The following GSE1 variants were observed in gnomAD, a reference collection of about 807,000 sequenced individuals.
GSE1 encodes the protein Gse1 coiled-coil protein.
A neutral mutation model predicts 112.6 loss-of-function variants in GSE1; 32 were observed. The observed-to-expected ratio is 0.28, with a 90% confidence interval of 0.21 to 0.38. GSE1 has a LOEUF of 0.38. Among genes scored for constraint, GSE1 ranks in the 10% least tolerant of loss-of-function variants. GSE1 has a pLI of 1.00. For synonymous variants in GSE1, 1,115 were observed against 735.6 expected (o/e 1.52, Z -8.35); for missense variants, 2,348 against 1,699.2 (o/e 1.38, Z -6.71).
intron 1 of GSE1, among the ~76,000 whole-genome samples, chr16:85,329,333 A>G (rs575383782): frequency 6.6e-6 from 1 of 152,278 alleles, no homozygotes; most frequent in African/African-American, 2.4e-5. Context: ...TGCTGTGAAT[A>G]CAGGGCCTCA....
intron 1 of GSE1, among the ~76,000 whole-genome samples, chr16:85,221,371 T>C (rs114135900): frequency 6.6e-6 from 1 of 151,674 alleles, no homozygotes; most frequent in African/African-American, 2.4e-5. Context: ...CATGTACATA[T>C]ACTACACACA....
At chr16:85,638,813 G>T (rs1266164436) in intron 2 of GSE1, among the ~76,000 whole-genome samples, 1 of 151,888 alleles carries the variant, frequency 6.6e-6, no homozygotes, top group South Asian at 2.1e-4. Context: ...TCTGCCCTGG[G>T]AGGGCGTGTG....
intron 1 of GSE1, among the ~76,000 whole-genome samples, chr16:85,227,876 G>A (rs2075515979): frequency 6.6e-6 from 1 of 152,244 alleles, no homozygotes; most frequent in Non-Finnish European, 1.5e-5. Context: ...AAGAGAGGGA[G>A]GGCCCTACCT....
chr16:85,555,836 C>T (rs1395137947), upstream of GSE1: 4 of 923,394 alleles, frequency 4.3e-6, no homozygotes, highest in Non-Finnish European at 2.6e-6. Context: ...CTCTCTTTTC[C>T]TTTCAAATGA....
chr16:85,331,429 A>ACG (rs2046350247), intron 1 of GSE1, among the ~76,000 whole-genome samples: 2 of 138,828 alleles, frequency 1.4e-5, no homozygotes, highest in Non-Finnish European at 3.1e-5. Context: ...ATATGTATAT[A>ACG]TGTATATATA....
chr16:85,440,020 A>C lies in GSE1; in HGVS notation c.2464+82377A>C, dbSNP rs147642033. ...CAAATATGCACAGTACACAGACTGC[A>C]CAGAGCTCCACAGACATACACTTGC... On this transcript the variant is annotated intron_variant, in intron 2 of 2. Transcript: ENST00000637419. 6.3e-3 allele frequency among the ~76,000 whole-genome samples: 959 copies of C among 152,384 alleles called. 9 individuals carry two copies. Among genetic ancestry groups the C allele is most frequent in the African/African-American group, 0.022 (915 of 41,602 alleles).
intron 1 of GSE1, among the ~76,000 whole-genome samples, chr16:85,260,933 C>G (rs918703830): frequency 6.6e-6 from 1 of 152,222 alleles, no homozygotes; most frequent in African/African-American, 2.4e-5. Flanking sequence ...CTACCCTGGC[C>G]TAGCTGCAGG....
intron 1 of GSE1, among the ~76,000 whole-genome samples, chr16:85,293,728 T>C (rs902316845): frequency 6.6e-6 from 1 of 152,084 alleles, no homozygotes; most frequent in Admixed American, 6.5e-5. Context: ...GTCCTTGGGG[T>C]TCCTTGGCTC....
At position 85,247,963 on chromosome 16, in the gene GSE1, C is replaced by T. The variant is rs571156729; in HGVS notation, c.2283+76156C>T. Among the ~76,000 whole-genome samples the T allele has an allele frequency of 1.6e-4, 25 of 152,330 alleles. No individual in the cohort carries two copies. In the South Asian group the frequency reaches 4.8e-3, roughly 29 times the overall value. ...GTCACTTCTGGCTGTAGGAATTCCTCGGGGACAAATTGCCCAGTGCTGTTG... is the reference window on the plus strand; with the variant it reads ...GTCACTTCTGGCTGTAGGAATTCCTTGGGGACAAATTGCCCAGTGCTGTTG... On this transcript the variant is annotated intron_variant, in intron 1 of 2. Transcript: ENST00000637419.
chr16:85,181,678 G>A (rs1018945482), intron 1 of GSE1, among the ~76,000 whole-genome samples: 1 of 152,234 alleles, frequency 6.6e-6, no homozygotes, highest in Non-Finnish European at 1.5e-5. Flanking sequence ...GGAGGCTTGT[G>A]TGGGGGAGTG....
upstream of GSE1, among the ~76,000 whole-genome samples, chr16:85,607,956 T>C (rs1049743625): frequency 6.6e-6 from 1 of 152,182 alleles, no homozygotes; most frequent in Non-Finnish European, 1.5e-5. Context: ...CTTGGAGACC[T>C]TGGCTCCGTA....
chr16:85,431,801 G>C (rs117337081), intron 2 of GSE1, among the ~76,000 whole-genome samples: 10 of 152,372 alleles, frequency 6.6e-5, no homozygotes, highest in Non-Finnish European at 5.9e-5. Context: ...ACCCTCTCCT[G>C]ACAGCTTTAT....
chr16:85,462,415 C>T (rs1000078688), intron 2 of GSE1, among the ~76,000 whole-genome samples: 1 of 151,888 alleles, frequency 6.6e-6, no homozygotes, highest in Non-Finnish European at 1.5e-5. Context: ...GCCTGTCTTC[C>T]TTCTCCCCCT....
intron 1 of GSE1, among the ~76,000 whole-genome samples, chr16:85,260,452 C>T (rs934574397): frequency 1.6e-4 from 24 of 149,708 alleles, no homozygotes; most frequent in African/African-American, 5.4e-4. Context: ...CGTCCCAAGT[C>T]GCTGGGATTA....
intron 1 of GSE1, chr16:85,595,162 C>G (rs937512666): frequency 1.3e-5 from 2 of 152,398 alleles, no homozygotes; most frequent in Non-Finnish European, 1.5e-5. Context: ...ACATTCCTGT[C>G]TCTCTCGAGT....
At chr16:85,399,983 C>T (rs2048058508) in intron 2 of GSE1, among the ~76,000 whole-genome samples, 1 of 152,206 alleles carries the variant, frequency 6.6e-6, no homozygotes, top group Non-Finnish European at 1.5e-5. Context: ...GTGTGACCTG[C>T]CAAGTCACAC....
At chr16:85,632,112 C>T (rs543706537) in intron 1 of GSE1, among the ~76,000 whole-genome samples, 4 of 152,318 alleles carry the variant, frequency 2.6e-5, no homozygotes, top group Non-Finnish European at 4.4e-5. Flanking sequence ...CGGGTTGAAG[C>T]GGCCTTGGAA....
intron 1 of GSE1, among the ~76,000 whole-genome samples, chr16:85,619,819 C>G (rs1253382709): frequency 6.6e-6 from 1 of 152,098 alleles, no homozygotes; most frequent in Non-Finnish European, 1.5e-5. Context: ...TAGCCATGCA[C>G]CAGGGAAGAA....
chr16:85,458,720 C>T (rs116593759), intron 2 of GSE1, among the ~76,000 whole-genome samples: 3,885 of 152,262 alleles, frequency 0.026, 175 homozygotes, highest in African/African-American at 0.089. Flanking sequence ...AAATGAGAAA[C>T]GCTGGGTGGC....
Sources: allele counts gnomAD v4.1 joint callset (sites outside exome capture counted in the v4.1 genomes callset), GRCh38; gene constraint gnomAD v4.1.1; transcripts MANE v1.5; gene names NCBI Gene and HGNC (gene_info 2026-07-23, HGNC 2026-07-21).